Variants in TPP2 observed in about 807,000 individuals in gnomAD.
The protein encoded by TPP2 is tripeptidyl peptidase 2, also known as tripeptidyl-peptidase 2.
In TPP2, 34 loss-of-function variants were observed where a neutral mutation model predicts 155.9. The ratio of observed to expected loss-of-function variants is 0.22; its 90% CI spans 0.17 to 0.29. The LOEUF is 0.29. Ranked by LOEUF, TPP2 falls within the 10% of genes least tolerant of loss-of-function variation. The pLI is 1.00. For synonymous variants in TPP2, 510 were observed against 529.4 expected (o/e 0.96, Z 0.50); for missense variants, 1,028 against 1,522.3 (o/e 0.68, Z 5.40).
At chr13:102,600,409 C>T (rs894105928) in intron 1 of TPP2, among the ~76,000 whole-genome samples, 1 of 151,896 alleles carries the variant, frequency 6.6e-6, no homozygotes, top group Non-Finnish European at 1.5e-5. Flanking sequence ...CCCACCACCT[C>T]GTATTTATGT....
At chr13:102,597,232 G>A (rs1879023680) in intron 1 of TPP2, 29 bp downstream of exon 1, 3 of 1,297,404 alleles carry the variant, frequency 2.3e-6, no homozygotes, top group East Asian at 3.1e-5. Flanking sequence ...GCCCGGGCGC[G>A]GGGGCGCGGG....
intron 21 of TPP2, among the ~76,000 whole-genome samples, chr13:102,648,181 T>A (rs2139543455): frequency 6.6e-6 from 1 of 152,306 alleles, no homozygotes; most frequent in South Asian, 2.1e-4. Context: ...GGTTTCCTGT[T>A]TTTTTCCTGT....
chr13:102,645,084 C>G (rs1009264756), intron 19 of TPP2, 75 bp downstream of exon 19: 20 of 1,315,464 alleles, frequency 1.5e-5, no homozygotes, highest in Middle Eastern at 1.9e-4. Context: ...TAAAAAAGGG[C>G]CTTTTTTTTT....
chr13:102,633,079 GA>G (rs1317453574), intron 10 of TPP2, among the ~76,000 whole-genome samples: 3 of 152,222 alleles, frequency 2.0e-5, no homozygotes, highest in Admixed American at 2.0e-4. Flanking sequence ...ATGGTATAAG[GA>G]GAGTCTGGCA....
At chr13:102,658,299 T>A (rs1883986920) in intron 25 of TPP2, among the ~76,000 whole-genome samples, 1 of 152,212 alleles carries the variant, frequency 6.6e-6, no homozygotes, top group Non-Finnish European at 1.5e-5. Flanking sequence ...TGTGAAAATA[T>A]TTCCCAGAGA....
intron 3 of TPP2, among the ~76,000 whole-genome samples, chr13:102,615,848 A>G (rs557999739): frequency 3.2e-4 from 49 of 152,352 alleles, no homozygotes; most frequent in African/African-American, 8.9e-4. Flanking sequence ...GATACATAAA[A>G]ATACATCTGG....
chr13:102,606,807 G>A (rs536821875), intron 2 of TPP2, among the ~76,000 whole-genome samples: 2 of 152,342 alleles, frequency 1.3e-5, no homozygotes, highest in East Asian at 3.9e-4. Context: ...GCAGATAGCA[G>A]CCATTAATAA....
At chr13:102,609,408 T>TC (rs1173756764) in intron 2 of TPP2, among the ~76,000 whole-genome samples, 7 of 147,502 alleles carry the variant, frequency 4.7e-5, no homozygotes, top group Admixed American at 3.4e-4. Flanking sequence ...TTTTTTTTTT[T>TC]TTTTTTGAGA....
intron 10 of TPP2, among the ~76,000 whole-genome samples, chr13:102,633,218 G>A (rs532067575): frequency 6.6e-6 from 1 of 152,252 alleles, no homozygotes; most frequent in South Asian, 2.1e-4. Flanking sequence ...AATTCTGAGG[G>A]TTTTAATTCA....
At chr13:102,601,596 C>T (rs544822673) in intron 1 of TPP2, among the ~76,000 whole-genome samples, 4 of 152,298 alleles carry the variant, frequency 2.6e-5, no homozygotes, top group African/African-American at 9.6e-5. Flanking sequence ...GGATTTAATA[C>T]CGAAGCTCTT....
At chr13:102,644,742 G>A (rs1430112500) in intron 18 of TPP2, 69 bp downstream of exon 18, 2 of 1,472,994 alleles carry the variant, frequency 1.4e-6, no homozygotes, top group African/African-American at 2.8e-5. Flanking sequence ...AACTTCATTG[G>A]TTAGATTTAA....
At chr13:102,639,504 G>A (rs757166645) in intron 15 of TPP2, among the ~76,000 whole-genome samples, 83 of 152,098 alleles carry the variant, frequency 5.5e-4, no homozygotes, top group Non-Finnish European at 6.6e-4. Context: ...CAGCTGCCAC[G>A]CCATCTCCTT....
At chr13:102,617,952 T>A (rs1182037695) in intron 4 of TPP2, among the ~76,000 whole-genome samples, 1 of 152,214 alleles carries the variant, frequency 6.6e-6, no homozygotes, top group East Asian at 1.9e-4. Context: ...GATCTTAATA[T>A]AGTAACATAG....
At chr13:102,676,884 A>G (rs1377458975) in intron 29 of TPP2, among the ~76,000 whole-genome samples, 1 of 152,184 alleles carries the variant, frequency 6.6e-6, no homozygotes, top group African/African-American at 2.4e-5. Flanking sequence ...TGCACAAGTT[A>G]GTTGTCAAGT....
rs1885169108 is a variant in TPP2, at chr13:102,674,336, G to C, written c.3425G>C (p.Cys1142Ser). The part of the protein sequence containing the change: ...TLVDALCRKG[C>S]ALADHLLHTQ... ...GTAGATGCCCTTTGTAGGAAAGGTT[G>C]TGCCCTGGCAGACCATCTTCTTCAC... The change falls in exon 28 of 30, where the codon TGT becomes TCT. Residue 1142 changes from cysteine (C) to serine (S), a missense_variant. This residue lies in a region of TPP2 where 116 missense variants were observed against 117.3 expected (regional missense o/e 0.99). Coordinates refer to ENST00000376052, the MANE Select transcript of TPP2 (RefSeq NM_001330588.2). The C allele has an allele frequency of 6.2e-7, 1 of 1,613,888 alleles. No individual in the cohort carries two copies. Among genetic ancestry groups the C allele is most frequent in the African/African-American group, 1.3e-5 (1 of 75,028 alleles).
At chr13:102,653,841 T>A (rs551171803) in intron 24 of TPP2, among the ~76,000 whole-genome samples, 6 of 152,338 alleles carry the variant, frequency 3.9e-5, no homozygotes, top group Admixed American at 2.6e-4. Context: ...TGAACCACAA[T>A]TTAACTTATA....
At chr13:102,651,268 A>G in intron 23 of TPP2, 91 bp from the exon 24 acceptor site, 1 of 1,433,618 alleles carries the variant, frequency 7.0e-7, no homozygotes, top group Non-Finnish European at 9.5e-7. Context: ...CACAGGTGGA[A>G]CATAAACTGA....
chr13:102,616,039 C>T (rs1276281109), intron 3 of TPP2, among the ~76,000 whole-genome samples: 1 of 152,054 alleles, frequency 6.6e-6, no homozygotes, highest in Non-Finnish European at 1.5e-5. Context: ...TCACTGCAGC[C>T]TCAGCCTCCT....
At chr13:102,668,562 T>C (rs1174074988) in intron 27 of TPP2, among the ~76,000 whole-genome samples, 1 of 152,192 alleles carries the variant, frequency 6.6e-6, no homozygotes, top group Admixed American at 6.5e-5. Context: ...GTCCAATGTG[T>C]GCTGTTACTA....
Sources: allele counts gnomAD v4.1 joint callset (sites outside exome capture counted in the v4.1 genomes callset), GRCh38; gene constraint gnomAD v4.1.1; regional missense constraint gnomAD v4.1.1; transcripts MANE v1.5; gene names NCBI Gene and HGNC (gene_info 2026-07-23, HGNC 2026-07-21).